SLCO4A1: variants seen among roughly 807,000 people sequenced by gnomAD.
SLCO4A1 encodes the protein solute carrier organic anion transporter family member 4A1, also known as colon organic anion transporter.
A neutral mutation model predicts 64.6 loss-of-function variants in SLCO4A1; 51 were observed. The observed-to-expected ratio is 0.79, with a 90% CI of 0.63 to 1.00. The LOEUF is 1.00. SLCO4A1 is among the 50% of genes least tolerant of loss of function. The probability of loss-of-function intolerance (pLI) is 0.00; values close to 1 mark genes in which losing one functional copy is unlikely to be tolerated. For missense variants in SLCO4A1, 919 were observed against 980.5 expected, an observed-to-expected ratio of 0.94 and a Z score of 0.84; for synonymous variants, 471 against 444.9, an observed-to-expected ratio of 1.06 and a Z score of -0.74.
downstream of SLCO4A1, among the ~76,000 whole-genome samples, chr20:62,688,268 C>T (rs923782846): frequency 6.6e-6 from 1 of 152,162 alleles, no homozygotes; most frequent in African/African-American, 2.4e-5. Flanking sequence ...ACGAGAACAC[C>T]TCGCCCAGGT....
At chr20:62,675,161 C>T (rs73918616), downstream of SLCO4A1, among the ~76,000 whole-genome samples, 1,155 of 152,298 alleles carry the variant, frequency 7.6e-3, 19 homozygotes, top group African/African-American at 0.027. Context: ...AGTGGAGGCT[C>T]CCGCCCAGGA....
chr20:62,653,580 CG>C lies in SLCO4A1; in HGVS notation c.-96-2777del, dbSNP rs200550497. Among the ~76,000 whole-genome samples the C allele has an allele frequency of 3.5e-3, 536 of 152,332 alleles. 3 individuals carry two copies. The highest frequency in any genetic ancestry group is 5.8e-3 in the Non-Finnish European group (393 of 68,020). ...CCCTCGCAGCCCCATGGCGGATCAC[CG>C]GCTGCGCCTCCGCTCCCACCCGCCA... On this transcript the variant is annotated intron_variant, in intron 1 of 11. Coordinates refer to ENST00000217159, the MANE Select transcript of SLCO4A1 (RefSeq NM_016354.4).
chr20:62,667,473 C>G (rs572011281), intron 7 of SLCO4A1: 1 of 465,878 alleles, frequency 2.1e-6, no homozygotes, highest in East Asian at 3.3e-5. Context: ...TGTCCAAAAA[C>G]AAATGAACTA....
chr20:62,653,539 C>G (rs1983019420), intron 1 of SLCO4A1, among the ~76,000 whole-genome samples: 2 of 152,208 alleles, frequency 1.3e-5, no homozygotes, highest in Non-Finnish European at 2.9e-5. Flanking sequence ...CTGGTTCTCA[C>G]TGAGGCCCCT....
Position 62,661,115 on chromosome 20 carries a change from ACAG to A in SLCO4A1, c.1066_1068del (p.Ser356del), listed in dbSNP as rs767770665. 3.1e-5 allele frequency: 50 copies of A among 1,608,794 alleles called. No individual in the cohort carries two copies. Among genetic ancestry groups the A allele is most frequent in the Non-Finnish European group, 4.2e-5 (50 of 1,177,630 alleles). ...GCGGCGGAAATGCACCAGTTGAAGG[ACAG>A]CAGCCGTGGGGAGGCGAGCAACCCG... On this transcript the variant is annotated inframe_deletion, in exon 5 of 12. Coordinates refer to ENST00000217159, the MANE Select transcript of SLCO4A1 (RefSeq NM_016354.4). The surrounding 1 kb of genome is among the most constrained non-coding windows in gnomAD (Gnocchi z 5.2).
At chr20:62,676,006 T>TGCC (rs1987576003), downstream of SLCO4A1, among the ~76,000 whole-genome samples, 1 of 152,146 alleles carries the variant, frequency 6.6e-6, no homozygotes, top group African/African-American at 2.4e-5. Context: ...TGCGGGGGCC[T>TGCC]CCTGTGTGCT....
chr20:62,644,901 C>T lies in SLCO4A1; in HGVS notation c.-97+2348C>T, dbSNP rs1445491805. Among the ~76,000 whole-genome samples the T allele has an allele frequency of 2.6e-5, 4 of 152,230 alleles. 1 individual carries two copies. The highest frequency in any genetic ancestry group is 1.3e-4 in the Admixed American group (2 of 15,286). ...TGCTGGGGGCAGGAGGGAGCAGGGC[C>T]CTTGGAGCTCTGGGAGAGAGCCACG... is the stretch of plus-strand genomic sequence containing the variant. On this transcript the variant is annotated intron_variant, in intron 1 of 11. Transcript: ENST00000217159. The surrounding 1 kb of genome is among the most constrained non-coding windows in gnomAD (Gnocchi z 5.4).
downstream of SLCO4A1, among the ~76,000 whole-genome samples, chr20:62,675,878 C>T (rs892160466): frequency 2.0e-5 from 3 of 152,166 alleles, no homozygotes; most frequent in Non-Finnish European, 2.9e-5. Flanking sequence ...CCACAGGGCC[C>T]GGCTGCCTGT....
At position 62,645,737 on chromosome 20, in the gene SLCO4A1, G is replaced by A. The variant is rs1981206262; in HGVS notation, c.-97+3184G>A. Among the ~76,000 whole-genome samples, 1 of 151,918 alleles carries A rather than the reference G, an allele frequency of 6.6e-6. No individual in the cohort carries two copies. The highest frequency in any genetic ancestry group is 2.4e-5 in the African/African-American group (1 of 41,366). The stretch of plus-strand genomic sequence containing the variant: ...GTGAGACTTGGCACCAGTGGCTGGG[G>A]TCGCTTTTGGGTGCCAGAGAGCCCA... On this transcript the variant is annotated intron_variant, in intron 1 of 11. Coordinates refer to ENST00000217159, the MANE Select transcript of SLCO4A1 (RefSeq NM_016354.4). This position sits in a 1 kb window ranked among gnomAD's most constrained non-coding sequence, Gnocchi z 4.2.
intron 1 of SLCO4A1, among the ~76,000 whole-genome samples, chr20:62,653,453 A>G (rs1569123047): frequency 6.6e-6 from 1 of 152,238 alleles, no homozygotes; most frequent in African/African-American, 2.4e-5. Context: ...ATTAAAAAAC[A>G]AAACAAAACA....
chr20:62,688,938 G>A (rs184095811), downstream of SLCO4A1, among the ~76,000 whole-genome samples: 180 of 152,352 alleles, frequency 1.2e-3, no homozygotes, highest in Non-Finnish European at 1.3e-3. Context: ...CAGCATGGAA[G>A]CACAGCTTTC....
chr20:62,643,207 G>T (rs945117751), intron 1 of SLCO4A1: 1 of 347,842 alleles, frequency 2.9e-6, no homozygotes, highest in Non-Finnish European at 5.9e-6. Context: ...TCCTGGCCGT[G>T]GCTTGGGGGG....
chr20:62,671,710 C>G, intron 11 of SLCO4A1, 40 bp from the exon 12 acceptor site: 1 of 1,592,000 alleles, frequency 6.3e-7, no homozygotes, highest in Non-Finnish European at 8.6e-7. Context: ...AGGCTCTGGC[C>G]GAGCTCCCCA....
At chr20:62,689,391 C>T (rs533090107), downstream of SLCO4A1, among the ~76,000 whole-genome samples, 21 of 152,362 alleles carry the variant, frequency 1.4e-4, no homozygotes, top group South Asian at 8.3e-4. Flanking sequence ...TCCATCACAC[C>T]GGTGCTCGTG....
At chr20:62,673,364 TGTTCATCAGGAGTCCG>T (rs1032046616), downstream of SLCO4A1, among the ~76,000 whole-genome samples, 6 of 143,086 alleles carry the variant, frequency 4.2e-5, 1 homozygote, top group South Asian at 4.4e-4. Flanking sequence ...ACCTTTGCCA[TGTTCATCAGGAGTCCG>T]GTTCATCAGG....
At chr20:62,674,942 G>A (rs1987517650), downstream of SLCO4A1, among the ~76,000 whole-genome samples, 1 of 152,212 alleles carries the variant, frequency 6.6e-6, no homozygotes, top group Non-Finnish European at 1.5e-5. Flanking sequence ...AGGCACGTCC[G>A]TTGTTTGAGC....
At chr20:62,658,184 T>G (rs1448122149) in intron 2 of SLCO4A1, among the ~76,000 whole-genome samples, 1 of 152,234 alleles carries the variant, frequency 6.6e-6, no homozygotes, top group Non-Finnish European at 1.5e-5. Context: ...CCTTGAGCTC[T>G]GCTCATCCCA....
rs1380813551 is a variant in SLCO4A1 at position 62,657,022 on chromosome 20, C to T, written c.568C>T (p.Pro190Ser). Reference sequence around the variant, plus strand: ...CACGGGGTCGCTGGTGTTCGCGCTGCCCCACTTCACGGCTGGCCGCTATGA... The same window carrying T: ...CACGGGGTCGCTGGTGTTCGCGCTGTCCCACTTCACGGCTGGCCGCTATGA... ...MGTGSLVFAL[P>S]HFTAGRYEVE... Residue 190 changes from proline (P) to serine (S), a missense_variant, in exon 2 of 12, where the codon CCC (proline) becomes TCC (serine). Transcript: ENST00000217159. 4 of 1,586,722 alleles carry T rather than the reference C, an allele frequency of 2.5e-6. No homozygotes were observed. The highest frequency in any genetic ancestry group is 3.4e-5 in the Admixed American group (2 of 59,300).
At chr20:62,657,288 G>T in intron 2 of SLCO4A1, 38 bp downstream of exon 2, 1 of 1,479,518 alleles carries the variant, frequency 6.8e-7, no homozygotes. Flanking sequence ...GGCAGGGGTG[G>T]CTGAGGGCAG....
Sources: gnomAD v4.1 joint callset for allele counts (sites outside exome capture counted in the v4.1 genomes callset) on GRCh38, gnomAD v4.1.1 for gene constraint, Gnocchi (gnomAD v3.1) non-coding constraint, MANE v1.5 for transcripts, NCBI Gene and HGNC (gene_info 2026-07-23, HGNC 2026-07-21) for gene names.